The following STC2 variants were observed in gnomAD, a reference collection of about 807,000 sequenced individuals.
The protein encoded by STC2 is stanniocalcin 2.
A neutral mutation model predicts 22.7 loss-of-function variants in STC2; 7 were observed. The observed-to-expected ratio is 0.31, with a 90% CI of 0.18 to 0.58. The LOEUF (loss-of-function observed/expected upper bound fraction) is 0.58. Among genes scored for constraint, STC2 ranks in the 20% least tolerant of loss-of-function variants. The pLI is 0.89. For synonymous variants in STC2, 158 were observed against 163.4 expected, an observed-to-expected ratio of 0.97 and a Z score of 0.25; for missense variants, 336 against 406.2, an observed-to-expected ratio of 0.83 and a Z score of 1.48.
rs768098012 is a variant in STC2, at chr5:173,325,857, T to C, written c.294+11A>G. ...CCCCAAACATTCTTCATGCTCTGGA[T>C]GGATTTTTACCTGGGCATCAAATTT... On this transcript the variant is annotated intron_variant, in intron 2 of 3. Transcript: ENST00000265087. This position sits in a 1 kb window ranked among gnomAD's most constrained non-coding sequence, Gnocchi z 4.7. 1.2e-6 allele frequency: 2 copies of C among 1,614,124 alleles called. No homozygotes were observed.
chr5:173,327,373 A>G lies in STC2; in HGVS notation c.151+670T>C, dbSNP rs979544389. Among the ~76,000 whole-genome samples the G allele has an allele frequency of 4.6e-5, 7 of 152,320 alleles. 1 individual carries two copies. In the South Asian group the frequency reaches 1.2e-3, roughly 27 times the overall value. On this transcript the variant is annotated intron_variant, in intron 1 of 3. Transcript: ENST00000265087. ...GGCTCTGCTTTGCAGCTTGCCGGTG[A>G]GCCAAGAGCCGGTAGAGCAGAGGAG...
Position 173,323,344 on chromosome 5 carries a change from G to A in STC2, c.381C>T (p.Ala127=), listed in dbSNP as rs781095182. 1.9e-6 allele frequency: 3 copies of A among 1,614,242 alleles called. No homozygotes were observed. Among genetic ancestry groups the A allele is most frequent in the East Asian group, 2.2e-5 (1 of 44,884 alleles). The part of the protein sequence containing the change: ...RFGCISRKCP[A]IREMVSQLQR... ...GCAACTGGGACACCATTTCCCTGAT[G>A]GCCGGGCACTTCCGGCTTATGCAGC... is the stretch of plus-strand genomic sequence containing the variant. Residue 127 remains alanine, a synonymous_variant, in exon 3 of 4, where the codon GCC becomes GCT. Coordinates refer to ENST00000265087, the MANE Select transcript of STC2 (RefSeq NM_003714.3). The surrounding 1 kb of genome is among the most constrained non-coding windows in gnomAD (Gnocchi z 5.4).
chr5:173,324,383 C>A (rs1356098862), intron 2 of STC2: 1 of 152,262 alleles, frequency 6.6e-6, no homozygotes, highest in Non-Finnish European at 1.5e-5. Flanking sequence ...GGAGAGGTCA[C>A]CCCTCTGTTT....
In STC2 at chr5:173,325,902, G is replaced by A. The variant is rs766088063; in HGVS notation, c.260C>T (p.Thr87Ile). 6.2e-7 allele frequency: 1 copy of A among 1,614,176 alleles called. No individual in the cohort carries two copies. The highest frequency in any genetic ancestry group is 1.7e-5 in the Admixed American group (1 of 60,020). ...AAATTTTCCAGCGTTGTGCAGAAAAGTCATGCAAATCCCATGTAAGCCCCG... is the reference window on the plus strand; with the variant it reads ...AAATTTTCCAGCGTTGTGCAGAAAAATCATGCAAATCCCATGTAAGCCCCG... ...EIRGLHGICM[T>I]FLHNAGKFDA... is the part of the protein sequence containing the mutation. The change falls in exon 2 of 4, where the codon ACT becomes ATT. Residue 87 changes from threonine (T) to isoleucine (I), a missense_variant. Thr to Ile is a moderately conservative substitution (Grantham distance 89, BLOSUM62 -1). This residue lies in a region of STC2 where 99 missense variants were observed against 122.7 expected (regional missense o/e 0.81). Transcript: ENST00000265087. This position sits in a 1 kb window ranked among gnomAD's most constrained non-coding sequence, Gnocchi z 4.7.
intron 3 of STC2, among the ~76,000 whole-genome samples, chr5:173,318,977 A>G (rs931642733): frequency 2.0e-5 from 3 of 152,150 alleles, no homozygotes; most frequent in African/African-American, 7.2e-5. Context: ...GCTGGGGAGT[A>G]GGTGTGGCCA....
chr5:173,327,450 A>G (rs987020354), intron 1 of STC2, among the ~76,000 whole-genome samples: 12 of 152,206 alleles, frequency 7.9e-5, no homozygotes, highest in African/African-American at 2.9e-4. Flanking sequence ...CCTGGCCAGG[A>G]GCTGGGGATG....
chr5:173,321,752 G>C (rs1471661678), intron 3 of STC2, among the ~76,000 whole-genome samples: 2 of 152,158 alleles, frequency 1.3e-5, no homozygotes, highest in East Asian at 3.9e-4. Context: ...CTTTGGGAAA[G>C]ATAAATGAGA....
chr5:173,322,955 AT>A, intron 3 of STC2: 1 of 514,562 alleles, frequency 1.9e-6, no homozygotes. Context: ...GTATTACTGA[AT>A]CGACACATTT....
At chr5:173,320,547 A>G (rs557364718) in intron 3 of STC2, among the ~76,000 whole-genome samples, 1 of 152,136 alleles carries the variant, frequency 6.6e-6, no homozygotes, top group South Asian at 2.1e-4. Context: ...ATGTGCCTGG[A>G]GCCTGCCAGC....
Position 173,323,566 on chromosome 5 carries a change from G to C in STC2, c.295-136C>G, listed in dbSNP as rs552071612. On this transcript the variant is annotated intron_variant, in intron 2 of 3. Coordinates refer to ENST00000265087, the MANE Select transcript of STC2 (RefSeq NM_003714.3). This position sits in a 1 kb window ranked among gnomAD's most constrained non-coding sequence, Gnocchi z 5.4. ...AGAACCCCAAGGCCCCACCAGAGAC[G>C]GACGTCCTCCCAGGTGACAGGCAAT... 1 of 843,330 alleles carries C rather than the reference G, an allele frequency of 1.2e-6. No individual in the cohort carries two copies. The highest frequency in any genetic ancestry group is 2.7e-5 in the East Asian group (1 of 37,308). The allele number at this position is 843,330 out of a possible 1,614,324, so 52.2% of individuals were successfully genotyped here.
In STC2 at chr5:173,323,254, C is replaced by T. The variant is rs1802502; in HGVS notation, c.471G>A (p.Val157=). Residue 157 remains valine (V), a synonymous_variant, in exon 3 of 4, where the codon GTG becomes GTA. Coordinates refer to ENST00000265087, the MANE Select transcript of STC2 (RefSeq NM_003714.3). The surrounding 1 kb of genome is among the most constrained non-coding windows in gnomAD (Gnocchi z 5.4). The part of the protein sequence containing the change: ...AAAQENTRVI[V]EMIHFKDLLL... ...GCAAGTCCTTGAAATGGATCATCTC[C>T]ACTATCACCCGGGTGTTCTCCTGGG... The T allele has an allele frequency of 4.8e-5, 77 of 1,614,240 alleles. 1 individual carries two copies. In the Middle Eastern group the frequency reaches 9.9e-4, roughly 21 times the overall value.
intron 3 of STC2, among the ~76,000 whole-genome samples, chr5:173,320,747 C>T (rs1187728930): frequency 6.7e-6 from 1 of 150,102 alleles, no homozygotes; most frequent in Non-Finnish European, 1.5e-5. Context: ...GGGGGTGGTG[C>T]AGATTCTGGG....
rs564298301 is a variant in STC2, at chr5:173,314,883, A to G, written c.*2964T>C. ...CAGACGGGGTTGTTCCTCCTTAGGA[A>G]GTGGCCACTGGAAGCATTGTTTTTC... On this transcript the variant is annotated 3_prime_UTR_variant, in exon 4 of 4. Coordinates refer to ENST00000265087, the MANE Select transcript of STC2 (RefSeq NM_003714.3). The surrounding 1 kb of genome is among the most constrained non-coding windows in gnomAD (Gnocchi z 4.6). 6.6e-6 allele frequency: 1 copy of G among 152,330 alleles called. No individual in the cohort carries two copies. The highest frequency in any genetic ancestry group is 2.1e-4 in the South Asian group (1 of 4,820). 9.4% of individuals were successfully genotyped at this position (152,330 alleles called of 1,614,324 possible). A position where few individuals can be genotyped will look rare whatever the true frequency, so the allele number is the denominator to read the frequency against.
At chr5:173,327,232 C>T (rs1467496116) in intron 1 of STC2, among the ~76,000 whole-genome samples, 2 of 152,242 alleles carry the variant, frequency 1.3e-5, no homozygotes, top group Non-Finnish European at 2.9e-5. Flanking sequence ...CCGCCGCTGC[C>T]GCGTTCACAC....
In STC2 at chr5:173,318,038, C is replaced by A; in HGVS notation, c.718G>T (p.Gly240Trp). The A allele has an allele frequency of 6.2e-7, 1 of 1,612,008 alleles. No individual in the cohort carries two copies. Among genetic ancestry groups the A allele is most frequent in the Non-Finnish European group, 8.5e-7 (1 of 1,179,196 alleles). Residue 240 changes from glycine (G) to tryptophan (W), a missense_variant, in exon 4 of 4, where the codon GGG becomes TGG. By Grantham distance (184) the Gly-to-Trp change is radical. This residue lies in a region of STC2 where 215 missense variants were observed against 231.5 expected (regional missense o/e 0.93). Coordinates refer to ENST00000265087, the MANE Select transcript of STC2 (RefSeq NM_003714.3). Reference sequence around the variant, plus strand: ...TCTGGGAGGTGATGTCCTGCTTCCCCGTGGTGGGCCCTGGAGAGCTTGGTT... The same window carrying A: ...TCTGGGAGGTGATGTCCTGCTTCCCAGTGGTGGGCCCTGGAGAGCTTGGTT... Reference protein sequence around the residue: ...DRTKLSRAHHGEAGHHLPEPS... With the variant: ...DRTKLSRAHHWEAGHHLPEPS...
rs1176503552 is a variant in STC2 at position 173,325,014 on chromosome 5, A to T, written c.294+854T>A. On this transcript the variant is annotated intron_variant, in intron 2 of 3. Coordinates refer to ENST00000265087, the MANE Select transcript of STC2 (RefSeq NM_003714.3). This position sits in a 1 kb window ranked among gnomAD's most constrained non-coding sequence, Gnocchi z 4.7. ...TTTGTCAGGCTCACTACTATATGTC[A>T]GTGGATGGGGACTGGTGACATCCAT... Among the ~76,000 whole-genome samples the T allele has an allele frequency of 6.6e-6, 1 of 152,152 alleles. No individual in the cohort carries two copies. The highest frequency in any genetic ancestry group is 1.5e-5 in the Non-Finnish European group (1 of 68,030).
intron 1 of STC2, 125 bp from the exon 2 acceptor site, chr5:173,326,135 T>C: frequency 8.9e-7 from 1 of 1,129,146 alleles, no homozygotes; most frequent in Non-Finnish European, 1.2e-6. Context: ...GACTTAGTAA[T>C]GACTATTTCA....
intron 3 of STC2, among the ~76,000 whole-genome samples, chr5:173,322,782 G>A (rs569811595): frequency 1.3e-5 from 2 of 152,310 alleles, no homozygotes; most frequent in Admixed American, 6.5e-5. Context: ...GGGCTGTGGT[G>A]AGGATCAAGT....
In STC2 at chr5:173,317,829, G is replaced by T; in HGVS notation, c.*18C>A. The T allele has an allele frequency of 6.5e-7, 1 of 1,531,072 alleles. No individual in the cohort carries two copies. 94.8% of individuals were successfully genotyped at this position (1,531,072 alleles called of 1,614,324 possible). A position where few individuals can be genotyped will look rare whatever the true frequency, so the allele number is the denominator to read the frequency against. On this transcript the variant is annotated 3_prime_UTR_variant, in exon 4 of 4. Coordinates refer to ENST00000265087, the MANE Select transcript of STC2 (RefSeq NM_003714.3). Reference sequence around the variant, plus strand: ...ATGGACGGCGTGGAGGAAAGATTTCGTGGCCAGGCCTTTCATTTCACCTCC... The same window carrying T: ...ATGGACGGCGTGGAGGAAAGATTTCTTGGCCAGGCCTTTCATTTCACCTCC...
Sources: gnomAD v4.1 joint callset for allele counts (sites outside exome capture counted in the v4.1 genomes callset) on GRCh38, gnomAD v4.1.1 for gene constraint, gnomAD v4.1.1 regional missense constraint, Gnocchi (gnomAD v3.1) non-coding constraint, MANE v1.5 for transcripts, NCBI Gene and HGNC (gene_info 2026-07-23, HGNC 2026-07-21) for gene names.